Variants in NCKAP5 observed in about 807,000 individuals in gnomAD.
NCKAP5 encodes nck-associated protein 5.
A neutral mutation model predicts 167.0 loss-of-function variants in NCKAP5; 92 were observed. The observed-to-expected ratio is 0.55, with a 90% CI of 0.47 to 0.66. The LOEUF (loss-of-function observed/expected upper bound fraction) is 0.66, where lower values mean the gene tolerates loss of function less well. Among genes scored for constraint, NCKAP5 ranks in the 30% least tolerant of loss-of-function variants. NCKAP5 has a pLI of 0.00. For missense variants in NCKAP5, 2,378 were observed against 2,315.0 expected (o/e 1.03, Z -0.56); for synonymous variants, 891 against 877.4 (o/e 1.02, Z -0.27).
intron 5 of NCKAP5, among the ~76,000 whole-genome samples, chr2:133,148,391 A>G (rs2083274642): frequency 6.6e-6 from 1 of 152,104 alleles, no homozygotes; most frequent in Non-Finnish European, 1.5e-5. Context: ...AAACGTTGTC[A>G]GCATATCTTC....
rs1456412763 is a variant in NCKAP5 at position 132,782,255 on chromosome 2, G to A, written c.4556C>T (p.Ala1519Val). 1 of 1,613,972 alleles carries A rather than the reference G, an allele frequency of 6.2e-7. No homozygotes were observed. The highest frequency in any genetic ancestry group is 1.3e-5 in the African/African-American group (1 of 75,028). Residue 1519 changes from alanine (A) to valine (V), a missense_variant, in exon 14 of 20, where the codon GCT (alanine) becomes GTT (valine). Around this residue, in one of 3 missense-constraint regions of NCKAP5, gnomAD observed 1,325 missense variants for 1,274.5 expected, o/e 1.04. Coordinates refer to ENST00000409261, the MANE Select transcript of NCKAP5 (RefSeq NM_207363.3). ...GATGTCCATTTTCCTGCTACTCAGA[G>A]CTGGAAGTCTACTCTTCCGAAAACC... ...WFGFRKSRLPALSSRKMDISK... is the reference protein window; with the variant it reads ...WFGFRKSRLPVLSSRKMDISK...
chr2:132,783,313 C>G lies in NCKAP5; in HGVS notation c.3498G>C (p.Val1166=), dbSNP rs1347111684. The change falls in exon 14 of 20, where the codon GTG becomes GTC. Residue 1166 remains valine, a synonymous_variant. Transcript: ENST00000409261. ...SPQLLRKSST[V]PGKHEKDSLN... ...AACTGTCTTTTTCATGTTTCCCTGG[C>G]ACGGTGGAACTTTTCCTGAGCAGCT... is the stretch of plus-strand genomic sequence containing the variant. 1 of 1,613,906 alleles carries G rather than the reference C, an allele frequency of 6.2e-7. No homozygotes were observed. The highest frequency in any genetic ancestry group is 1.1e-5 in the South Asian group (1 of 91,064).
intron 19 of NCKAP5, among the ~76,000 whole-genome samples, chr2:132,724,702 G>A (rs983770670): frequency 1.3e-5 from 2 of 151,982 alleles, no homozygotes; most frequent in African/African-American, 2.4e-5. Flanking sequence ...GTAAACCTTC[G>A]CATGATTCAA....
At chr2:133,263,031 C>G (rs1221932027) in intron 4 of NCKAP5, among the ~76,000 whole-genome samples, 1 of 152,148 alleles carries the variant, frequency 6.6e-6, no homozygotes, top group African/African-American at 2.4e-5. Context: ...AGCCTCACCT[C>G]TCTCTCAACT....
At chr2:132,673,385 T>C (rs1683989598) in intron 19 of NCKAP5, 80 bp from the exon 20 acceptor site, 1 of 1,191,850 alleles carries the variant, frequency 8.4e-7, no homozygotes, top group East Asian at 2.7e-5. Context: ...AATTATTGTC[T>C]GTATAAAGTA....
chr2:133,412,928 C>T (rs1422027946), intron 3 of NCKAP5, among the ~76,000 whole-genome samples: 1 of 152,200 alleles, frequency 6.6e-6, no homozygotes, highest in East Asian at 1.9e-4. Context: ...TTGAAGTGTA[C>T]TACAATGGTT....
chr2:133,126,148 C>T (rs768349915), intron 6 of NCKAP5, among the ~76,000 whole-genome samples: 9 of 152,212 alleles, frequency 5.9e-5, no homozygotes, highest in Non-Finnish European at 1.3e-4. Flanking sequence ...GACACCTGAA[C>T]TCTACTTCCC....
chr2:133,098,253 T>C (rs2149668670), intron 6 of NCKAP5, among the ~76,000 whole-genome samples: 1 of 152,370 alleles, frequency 6.6e-6, no homozygotes, highest in Admixed American at 6.5e-5. Flanking sequence ...CAAACTTGAA[T>C]GCTATTGTTA....
Position 133,036,613 on chromosome 2 carries a change from C to T in NCKAP5, c.342-42374G>A, listed in dbSNP as rs567909720. ...TGCTGAAAAAGCATTTGATATAATT[C>T]GACATCACTTCATGATAAACACCCT... On this transcript the variant is annotated intron_variant, in intron 6 of 19. Transcript: ENST00000409261. 3.7e-4 allele frequency among the ~76,000 whole-genome samples: 57 copies of T among 152,026 alleles called. 1 individual carries two copies. Among genetic ancestry groups the T allele is most frequent in the East Asian group, 3.9e-4 (2 of 5,178 alleles).
intron 5 of NCKAP5, among the ~76,000 whole-genome samples, chr2:133,146,535 C>T (rs2083204086): frequency 6.6e-6 from 1 of 152,080 alleles, no homozygotes; most frequent in Non-Finnish European, 1.5e-5. Flanking sequence ...CTTTTATAAG[C>T]ATTTGCCTTC....
intron 6 of NCKAP5, among the ~76,000 whole-genome samples, chr2:133,061,075 A>C (rs966557852): frequency 4.1e-5 from 5 of 123,004 alleles, no homozygotes; most frequent in Non-Finnish European, 9.0e-5. Context: ...TAAAAAAAAA[A>C]CAAAACAACA....
intron 6 of NCKAP5, among the ~76,000 whole-genome samples, chr2:133,056,393 G>T (rs997856017): frequency 6.6e-6 from 1 of 151,918 alleles, no homozygotes; most frequent in African/African-American, 2.4e-5. Flanking sequence ...CACCCAGAAT[G>T]GTATATAATA....
chr2:133,060,907 G>C (rs1401938007), intron 6 of NCKAP5, among the ~76,000 whole-genome samples: 1 of 152,008 alleles, frequency 6.6e-6, no homozygotes, highest in African/African-American at 2.4e-5. Context: ...ACTGATCAGA[G>C]CTTATAGGCC....
At chr2:133,666,055 T>A in the NCKAP5 span, among the ~76,000 whole-genome samples, 4 of 152,078 alleles carry the variant, frequency 2.6e-5, no homozygotes. Context: ...ACTTTCTAGC[T>A]TTTGTTTGTA....
chr2:133,641,342 A>G, the NCKAP5 span, among the ~76,000 whole-genome samples: 1 of 152,206 alleles, frequency 6.6e-6, no homozygotes, highest in Non-Finnish European at 1.5e-5. Context: ...ATCTTAAGAG[A>G]TATATTCCTT....
In NCKAP5 at chr2:133,230,152, G is replaced by T. The variant is rs2087076729; in HGVS notation, c.144-16373C>A. Among the ~76,000 whole-genome samples, 3 of 152,108 alleles carry T rather than the reference G, an allele frequency of 2.0e-5. No individual in the cohort carries two copies. In the South Asian group the frequency reaches 6.2e-4, roughly 32 times the overall value. On this transcript the variant is annotated intron_variant, in intron 4 of 19. Transcript: ENST00000409261. ...CTGCCATGTTCTCTCATTATGATCA[G>T]CAATGGTCAAGAAGGACACTGGCCT...
chr2:133,078,166 G>A (rs1000454406), intron 6 of NCKAP5, among the ~76,000 whole-genome samples: 2 of 152,174 alleles, frequency 1.3e-5, no homozygotes, highest in African/African-American at 4.8e-5. Flanking sequence ...TTACATCACA[G>A]CAGGAACTGT....
intron 2 of NCKAP5, among the ~76,000 whole-genome samples, chr2:133,552,789 G>A (rs570038200): frequency 6.6e-6 from 1 of 151,604 alleles, no homozygotes; most frequent in South Asian, 2.1e-4. Context: ...GAAGCGGGTG[G>A]GGCAAGCCAT....
chr2:132,996,404 C>T (rs1286637402), intron 6 of NCKAP5, among the ~76,000 whole-genome samples: 1 of 152,176 alleles, frequency 6.6e-6, no homozygotes, highest in Non-Finnish European at 1.5e-5. Flanking sequence ...AAAGGAAACA[C>T]ACCCATTCCC....
Sources: gnomAD v4.1 joint callset for allele counts (sites outside exome capture counted in the v4.1 genomes callset) on GRCh38, gnomAD v4.1.1 for gene constraint, gnomAD v4.1.1 regional missense constraint, MANE v1.5 for transcripts, NCBI Gene and HGNC (gene_info 2026-07-23, HGNC 2026-07-21) for gene names.